Variants in FHIT observed in about 807,000 individuals in gnomAD.
The protein encoded by FHIT is bis(5'-adenosyl)-triphosphatase.
FHIT carries 19 observed loss-of-function variants against 17.9 expected under a neutral mutation model. The ratio of observed to expected loss-of-function variants is 1.06; its 90% CI spans 0.74 to 1.56. The LOEUF (loss-of-function observed/expected upper bound fraction) is 1.56, where lower values mean the gene tolerates loss of function less well. FHIT is among the 40% of genes most tolerant of loss of function. The pLI, the probability that FHIT is intolerant of heterozygous loss-of-function variation, is 0.00. For missense variants in FHIT, 248 were observed against 189.2 expected (o/e 1.31, Z -1.82); for synonymous variants, 81 against 69.7 (o/e 1.16, Z -0.81).
intron 3 of FHIT, among the ~76,000 whole-genome samples, chr3:60,833,702 A>T (rs1298130378): frequency 1.3e-5 from 2 of 152,172 alleles, no homozygotes; most frequent in Admixed American, 6.5e-5. Flanking sequence ...ACAGTAACAC[A>T]ACCAAGATAT....
chr3:61,045,351 T>C (rs568075059), intron 2 of FHIT, among the ~76,000 whole-genome samples: 2 of 152,192 alleles, frequency 1.3e-5, no homozygotes, highest in African/African-American at 4.8e-5. Flanking sequence ...TAGTCTCTGA[T>C]AAAACAGACT....
rs557865679 is a variant in FHIT, at chr3:60,980,634, C to G, written c.-111+61413G>C. ...ACTCCCACTCATTTATTGGGTCCAT[C>G]TCAGGAAAAGATGGGGGAATGGGGA... On this transcript the variant is annotated intron_variant, in intron 3 of 9. Transcript: ENST00000492590. Among the ~76,000 whole-genome samples, 3 of 152,278 alleles carry G rather than the reference C, an allele frequency of 2.0e-5. No individual in the cohort carries two copies. The South Asian group carries it at 6.2e-4, about 32-fold the overall frequency.
intron 2 of FHIT, among the ~76,000 whole-genome samples, chr3:61,180,590 G>A (rs950323858): frequency 1.1e-4 from 16 of 152,202 alleles, no homozygotes; most frequent in African/African-American, 3.4e-4. Context: ...GACTTGAAAT[G>A]TATTTTGCAT....
At chr3:59,810,428 A>G (rs925284316) in intron 8 of FHIT, among the ~76,000 whole-genome samples, 9 of 152,212 alleles carry the variant, frequency 5.9e-5, no homozygotes, top group African/African-American at 2.2e-4. Flanking sequence ...CAAATCAATC[A>G]AAGCTGGCCC....
At chr3:60,027,833 G>C (rs567899211) in intron 5 of FHIT, among the ~76,000 whole-genome samples, 1 of 152,100 alleles carries the variant, frequency 6.6e-6, no homozygotes, top group Admixed American at 6.5e-5. Context: ...TGCCTATAGA[G>C]CAGTGCTGTC....
At chr3:60,463,552 T>C (rs1027218977) in intron 5 of FHIT, among the ~76,000 whole-genome samples, 1 of 152,070 alleles carries the variant, frequency 6.6e-6, no homozygotes, top group Non-Finnish European at 1.5e-5. Flanking sequence ...TTTCTCCTTC[T>C]CAGAACAGAG....
At chr3:60,179,092 T>C (rs1701809115) in intron 5 of FHIT, among the ~76,000 whole-genome samples, 1 of 152,176 alleles carries the variant, frequency 6.6e-6, no homozygotes, top group Non-Finnish European at 1.5e-5. Context: ...AATTAGCTTT[T>C]CATGGGCAGC....
At chr3:60,258,065 T>C (rs200832808) in intron 5 of FHIT, among the ~76,000 whole-genome samples, 22 of 144,596 alleles carry the variant, frequency 1.5e-4, no homozygotes, top group African/African-American at 3.6e-4. Context: ...GGAAATTAAA[T>C]ACACACACAC....
chr3:60,081,060 A>G (rs1447904302), intron 5 of FHIT, among the ~76,000 whole-genome samples: 1 of 152,122 alleles, frequency 6.6e-6, no homozygotes, highest in East Asian at 1.9e-4. Flanking sequence ...AAGAGAAAGC[A>G]AAGAGAGAGA....
chr3:60,253,606 C>G (rs979000761), intron 5 of FHIT, among the ~76,000 whole-genome samples: 1 of 152,178 alleles, frequency 6.6e-6, no homozygotes, highest in Non-Finnish European at 1.5e-5. Flanking sequence ...GTAGACTTCC[C>G]AGGACAGAGA....
At chr3:61,058,329 G>A (rs2034300113) in intron 2 of FHIT, among the ~76,000 whole-genome samples, 1 of 152,144 alleles carries the variant, frequency 6.6e-6, no homozygotes, top group Non-Finnish European at 1.5e-5. Context: ...TACATGTAAA[G>A]TATATTTGAG....
chr3:59,953,080 T>C (rs1707203782), intron 7 of FHIT, among the ~76,000 whole-genome samples: 1 of 151,968 alleles, frequency 6.6e-6, no homozygotes, highest in African/African-American at 2.4e-5. Context: ...GCGTATGTTG[T>C]GTCTGTCTTT....
At chr3:60,608,297 C>T (rs528416555) in intron 4 of FHIT, among the ~76,000 whole-genome samples, 39 of 152,186 alleles carry the variant, frequency 2.6e-4, no homozygotes, top group Admixed American at 2.2e-3. Context: ...CCAGAATCAG[C>T]GGGGGTAAAC....
chr3:60,752,092 T>C (rs927590901), intron 4 of FHIT, among the ~76,000 whole-genome samples: 3 of 152,206 alleles, frequency 2.0e-5, no homozygotes, highest in Non-Finnish European at 4.4e-5. Flanking sequence ...AATGAGACAT[T>C]TGTTGGGAAA....
chr3:60,932,648 T>C (rs1196840693), intron 3 of FHIT, among the ~76,000 whole-genome samples: 1 of 152,216 alleles, frequency 6.6e-6, no homozygotes, highest in Non-Finnish European at 1.5e-5. Flanking sequence ...ATTGGATTCT[T>C]GTAATTCTGT....
intron 3 of FHIT, among the ~76,000 whole-genome samples, chr3:60,971,656 T>A (rs892979437): frequency 6.6e-6 from 1 of 152,180 alleles, no homozygotes; most frequent in Non-Finnish European, 1.5e-5. Flanking sequence ...TAATTTCTGT[T>A]TGTTTGCAGT....
At chr3:60,527,354 G>A (rs756035139) in intron 5 of FHIT, among the ~76,000 whole-genome samples, 2 of 152,204 alleles carry the variant, frequency 1.3e-5, no homozygotes, top group African/African-American at 4.8e-5. Context: ...TTGGTGAATG[G>A]AAGGGTATCA....
At chr3:60,151,240 C>T (rs1700449177) in intron 5 of FHIT, among the ~76,000 whole-genome samples, 1 of 152,108 alleles carries the variant, frequency 6.6e-6, no homozygotes, top group African/African-American at 2.4e-5. Flanking sequence ...GTTCTAAAGT[C>T]AGTACATAAA....
At chr3:61,190,589 T>C (rs949452005) in intron 2 of FHIT, among the ~76,000 whole-genome samples, 6 of 152,230 alleles carry the variant, frequency 3.9e-5, no homozygotes, top group East Asian at 3.9e-4. Context: ...GGGTATATAC[T>C]AAAAGGATTA....
Sources: allele counts gnomAD v4.1 joint callset (sites outside exome capture counted in the v4.1 genomes callset), GRCh38; gene constraint gnomAD v4.1.1; transcripts MANE v1.5; gene names NCBI Gene and HGNC (gene_info 2026-07-23, HGNC 2026-07-21).